NECAB1: variants seen among roughly 807,000 people sequenced by gnomAD.
NECAB1 encodes N-terminal EF-hand calcium binding protein 1.
Under a neutral mutation model 57.5 loss-of-function variants are expected in NECAB1, and 29 were observed. The ratio of observed to expected loss-of-function variants is 0.50; its 90% CI spans 0.38 to 0.69. The LOEUF is 0.69. NECAB1 is among the 30% of genes least tolerant of loss of function. The probability of loss-of-function intolerance (pLI) is 0.00; values close to 1 mark genes in which losing one functional copy is unlikely to be tolerated. For missense variants in NECAB1, 372 were observed against 413.8 expected (o/e 0.90, Z 0.88); for synonymous variants, 142 against 147.7 (o/e 0.96, Z 0.28).
chr8:90,917,711 A>G, intron 6 of NECAB1, 83 bp downstream of exon 6: 1 of 1,301,926 alleles, frequency 7.7e-7, no homozygotes, highest in Non-Finnish European at 1.0e-6. Context: ...TACTTACACT[A>G]GCAAAAACTA....
At chr8:90,825,574 T>G (rs1255498127) in intron 3 of NECAB1, among the ~76,000 whole-genome samples, 1 of 151,852 alleles carries the variant, frequency 6.6e-6, no homozygotes, top group Admixed American at 6.6e-5. Context: ...GTGTGTCCAT[T>G]GCTTGAAAAA....
Position 90,838,098 on chromosome 8 carries a change from T to A in NECAB1, c.233+13273T>A, listed in dbSNP as rs188274730. On this transcript the variant is annotated intron_variant, in intron 3 of 12. Transcript: ENST00000417640. ...ATGAAAAAATAAGGGTGTGTTTTTT[T>A]AATTAATTTTGTTGAATGTACGAAA... 1.1e-3 allele frequency among the ~76,000 whole-genome samples: 165 copies of A among 152,346 alleles called. 1 individual carries two copies. Among genetic ancestry groups the A allele is most frequent in the African/African-American group, 3.4e-3 (142 of 41,586 alleles).
intron 5 of NECAB1, among the ~76,000 whole-genome samples, chr8:90,905,644 A>G (rs1809622850): frequency 6.6e-6 from 1 of 152,164 alleles, no homozygotes; most frequent in African/African-American, 2.4e-5. Flanking sequence ...ATCTGCTGTG[A>G]TTTCTGACTC....
At chr8:90,951,570 A>G (rs1034669928) in intron 12 of NECAB1, among the ~76,000 whole-genome samples, 1 of 152,164 alleles carries the variant, frequency 6.6e-6, no homozygotes, top group Admixed American at 6.5e-5. Context: ...TACTGATTAA[A>G]TATATATTTA....
rs111551643 is a variant in NECAB1 at position 90,864,557 on chromosome 8, A to G, written c.234-7571A>G. ...CAGGTGACAGAACCCAACTCAACAC[A>G]GCGTAAACAGAATGAGATAACCCAT... On this transcript the variant is annotated intron_variant, in intron 3 of 12. Coordinates refer to ENST00000417640, the MANE Select transcript of NECAB1 (RefSeq NM_022351.5). Among the ~76,000 whole-genome samples, 1,387 of 152,228 alleles carry G rather than the reference A, an allele frequency of 9.1e-3. 20 individuals carry two copies. Among genetic ancestry groups the G allele is most frequent in the African/African-American group, 0.031 (1,300 of 41,552 alleles).
intron 2 of NECAB1, among the ~76,000 whole-genome samples, chr8:90,808,975 G>A (rs762731928): frequency 1.3e-4 from 20 of 152,002 alleles, no homozygotes; most frequent in Non-Finnish European, 1.8e-4. Context: ...CTTATTTGGC[G>A]GGACTGTCAA....
At chr8:90,866,579 T>C (rs1808516840) in intron 3 of NECAB1, among the ~76,000 whole-genome samples, 1 of 152,228 alleles carries the variant, frequency 6.6e-6, no homozygotes, top group African/African-American at 2.4e-5. Context: ...ATGGAAATTT[T>C]AGTTTTGAAG....
intron 5 of NECAB1, among the ~76,000 whole-genome samples, chr8:90,882,805 GT>G (rs1464551551): frequency 6.6e-6 from 1 of 151,906 alleles, no homozygotes; most frequent in Non-Finnish European, 1.5e-5. Context: ...GTTTTTTTAG[GT>G]TTTTTTGTTT....
At chr8:90,866,654 A>T (rs4735418) in intron 3 of NECAB1, among the ~76,000 whole-genome samples, 3 of 152,006 alleles carry the variant, frequency 2.0e-5, no homozygotes, top group Admixed American at 2.0e-4. Flanking sequence ...TAAAAGTCAC[A>T]ATCCTTTGTT....
At chr8:90,916,284 A>G (rs1809949552) in intron 5 of NECAB1, among the ~76,000 whole-genome samples, 1 of 152,224 alleles carries the variant, frequency 6.6e-6, no homozygotes, top group African/African-American at 2.4e-5. Flanking sequence ...AAAGTAAACT[A>G]TATCAGGAGG....
rs560653323 is a variant in NECAB1, at chr8:90,954,240, T to C, written c.1031-1247T>C. ...TCACAAATTATGATTTCTGGTAAGA[T>C]TGCTTTTTATGGTTAAGACTACTAA... On this transcript the variant is annotated intron_variant, in intron 12 of 12. Coordinates refer to ENST00000417640, the MANE Select transcript of NECAB1 (RefSeq NM_022351.5). 1.0e-3 allele frequency among the ~76,000 whole-genome samples: 156 copies of C among 152,218 alleles called. 1 individual carries two copies. Among genetic ancestry groups the C allele is most frequent in the African/African-American group, 3.1e-3 (127 of 41,562 alleles).
chr8:90,850,538 G>A (rs1232505754), intron 3 of NECAB1, among the ~76,000 whole-genome samples: 1 of 152,158 alleles, frequency 6.6e-6, no homozygotes, highest in Non-Finnish European at 1.5e-5. Context: ...GTAAAGTATT[G>A]TTTGTCATAA....
chr8:90,837,165 A>C (rs1244046298), intron 3 of NECAB1, among the ~76,000 whole-genome samples: 1 of 152,258 alleles, frequency 6.6e-6, no homozygotes, highest in African/African-American at 2.4e-5. Flanking sequence ...TGCTGATCGC[A>C]GGGAGGTCAC....
intron 2 of NECAB1, among the ~76,000 whole-genome samples, chr8:90,816,706 T>C (rs1344195048): frequency 6.6e-6 from 1 of 151,842 alleles, no homozygotes; most frequent in East Asian, 1.9e-4. Flanking sequence ...TGTTTTACAA[T>C]ACAACACTGG....
chr8:90,910,050 G>A (rs1373025116), intron 5 of NECAB1, among the ~76,000 whole-genome samples: 1 of 151,378 alleles, frequency 6.6e-6, no homozygotes, highest in African/African-American at 2.4e-5. Flanking sequence ...CTCTTATTAA[G>A]GTATTACATG....
At chr8:90,935,551 C>T (rs1339139262) in intron 9 of NECAB1, among the ~76,000 whole-genome samples, 1 of 152,032 alleles carries the variant, frequency 6.6e-6, no homozygotes, top group Non-Finnish European at 1.5e-5. Flanking sequence ...TGTGCAGTCC[C>T]GGAGGCACAG....
rs368888125 is a variant in NECAB1 at position 90,949,798 on chromosome 8, C to T, written c.861-9C>T. On this transcript the variant is annotated splice_polypyrimidine_tract_variant and intron_variant, in intron 10 of 12. Transcript: ENST00000417640. ...AGTAGCTAATTATGCCTTTTATTTT[C>T]CATTTCAGTATTTCTATACAGAAGC... 10 of 1,558,186 alleles carry T rather than the reference C, an allele frequency of 6.4e-6. 1 individual carries two copies. The highest frequency in any genetic ancestry group is 2.3e-5 in the South Asian group (2 of 85,806).
Position 90,888,719 on chromosome 8 carries a change from G to C in NECAB1, c.357+7589G>C, listed in dbSNP as rs1360029268. 2.0e-5 allele frequency among the ~76,000 whole-genome samples: 3 copies of C among 152,094 alleles called. No homozygotes were observed. The East Asian group carries it at 5.8e-4, about 29-fold the overall frequency. The stretch of plus-strand genomic sequence containing the variant: ...ATCCAAAAGAATGTACTTTCAAAAA[G>C]AAAATGAATATGTGCAAAAAAAGCT... On this transcript the variant is annotated intron_variant, in intron 5 of 12. Transcript: ENST00000417640.
chr8:90,836,984 A>ATT (rs1812379677), intron 3 of NECAB1, among the ~76,000 whole-genome samples: 1 of 152,236 alleles, frequency 6.6e-6, no homozygotes, highest in Admixed American at 6.5e-5. Context: ...TAACATTTCT[A>ATT]TCTCTATGCT....
Sources: gnomAD v4.1 joint callset for allele counts (sites outside exome capture counted in the v4.1 genomes callset) on GRCh38, gnomAD v4.1.1 for gene constraint, MANE v1.5 for transcripts, NCBI Gene and HGNC (gene_info 2026-07-23, HGNC 2026-07-21) for gene names.